CPE: variants seen among roughly 807,000 people sequenced by gnomAD.
The protein encoded by CPE is carboxypeptidase E, also known as carbocypeptidase E.
A neutral mutation model predicts 53.5 loss-of-function variants in CPE; 17 were observed. That is an observed-to-expected ratio of 0.32 (90% CI 0.22 to 0.48). The LOEUF is 0.48. CPE is among the 20% of genes least tolerant of loss of function. CPE has a pLI of 0.99. For missense variants in CPE, 524 were observed against 614.7 expected (o/e 0.85, Z 1.56); for synonymous variants, 226 against 228.8 (o/e 0.99, Z 0.11).
intron 7 of CPE, among the ~76,000 whole-genome samples, chr4:165,495,014 CCAAG>C (rs1342758986): frequency 2.1e-4 from 32 of 152,284 alleles, no homozygotes; most frequent in Admixed American, 1.9e-3. Context: ...TTTCATTTTA[CCAAG>C]TTCCCAGGTT....
intron 3 of CPE, among the ~76,000 whole-genome samples, chr4:165,468,211 C>T (rs1379020924): frequency 7.2e-5 from 11 of 152,188 alleles, no homozygotes; most frequent in Non-Finnish European, 7.3e-5. Context: ...TCCTCCCTTG[C>T]TTTACAAAAC....
chr4:165,498,345 G>A lies in CPE; in HGVS notation c.*735G>A, dbSNP rs1732743091. On this transcript the variant is annotated 3_prime_UTR_variant, in exon 9 of 9. Transcript: ENST00000402744. ...CAGTGCATGTATTTCAGTTCTCTAA[G>A]ATTTTTGGTCTGGCATTGTGGTCTT... 2 of 152,114 alleles carry A rather than the reference G, an allele frequency of 1.3e-5. No individual in the cohort carries two copies. The highest frequency in any genetic ancestry group is 2.1e-4 in the South Asian group (1 of 4,826). The allele number at this position is 152,114 out of a possible 1,614,324, so 9.4% of individuals were successfully genotyped here.
At chr4:165,407,640 G>A (rs1040946393) in intron 1 of CPE, among the ~76,000 whole-genome samples, 2 of 151,320 alleles carry the variant, frequency 1.3e-5, no homozygotes, top group Non-Finnish European at 2.9e-5. Context: ...CTCCACCTCC[G>A]AGGTTCAAGC....
At chr4:165,417,338 G>T (rs1731142221) in intron 1 of CPE, among the ~76,000 whole-genome samples, 1 of 152,144 alleles carries the variant, frequency 6.6e-6, no homozygotes, top group South Asian at 2.1e-4. Flanking sequence ...AATTGCCTTT[G>T]ACTTGGAGAC....
chr4:165,493,227 T>A lies in CPE; in HGVS notation c.1170T>A (p.Asn390Lys). Reference sequence around the variant, plus strand: ...ACCTTCAAGGTAACCCAATTGCGAATGCCACCATCTCCGTGGAAGGAATAG... The same window carrying A: ...ACCTTCAAGGTAACCCAATTGCGAAAGCCACCATCTCCGTGGAAGGAATAG... ...VRDLQGNPIA[N>K]ATISVEGIDH... The change falls in exon 7 of 9, where the codon AAT becomes AAA. Residue 390 changes from asparagine (N) to lysine (K), a missense_variant. By Grantham distance (94) the Asn-to-Lys change is moderately conservative (BLOSUM62 0). Coordinates refer to ENST00000402744, the MANE Select transcript of CPE (RefSeq NM_001873.4). The A allele has an allele frequency of 6.2e-7, 1 of 1,614,168 alleles. No homozygotes were observed. Among genetic ancestry groups the A allele is most frequent in the Non-Finnish European group, 8.5e-7 (1 of 1,179,980 alleles).
At chr4:165,471,017 G>A (rs1274074265) in intron 3 of CPE, among the ~76,000 whole-genome samples, 1 of 152,142 alleles carries the variant, frequency 6.6e-6, no homozygotes, top group Non-Finnish European at 1.5e-5. Context: ...CTCTCACTGA[G>A]GATCATCTGG....
chr4:165,382,602 G>A (rs1236928268), intron 1 of CPE, among the ~76,000 whole-genome samples: 1 of 152,076 alleles, frequency 6.6e-6, no homozygotes. Context: ...GGATTTAGTT[G>A]TCGTAACAGA....
At chr4:165,476,168 A>G (rs1732295894) in intron 3 of CPE, among the ~76,000 whole-genome samples, 1 of 152,196 alleles carries the variant, frequency 6.6e-6, no homozygotes, top group African/African-American at 2.4e-5. Context: ...GTGTATTAAA[A>G]AGCTTTAGAG....
At chr4:165,404,780 A>G (rs1184410747) in intron 1 of CPE, 11 of 776,324 alleles carry the variant, frequency 1.4e-5, no homozygotes, top group Non-Finnish European at 2.4e-5. Flanking sequence ...ACCGATTGCT[A>G]CAGTTGAAGC....
chr4:165,475,763 G>A (rs560230020), intron 3 of CPE, among the ~76,000 whole-genome samples: 1 of 152,112 alleles, frequency 6.6e-6, no homozygotes, highest in Non-Finnish European at 1.5e-5. Flanking sequence ...TGTCCAGGAG[G>A]GCCATTAGTG....
At chr4:165,427,675 T>C (rs918229288) in intron 1 of CPE, among the ~76,000 whole-genome samples, 4 of 152,210 alleles carry the variant, frequency 2.6e-5, no homozygotes, top group Non-Finnish European at 5.9e-5. Context: ...CTGTCTATGA[T>C]GGTTTATCCC....
In CPE at chr4:165,404,760, C is replaced by G. The variant is rs536917482; in HGVS notation, c.307+25232C>G. ...TCCTTAACCACAATGATGACCTTCCCCTGCTTGAGACCGATTGCTACAGTT... is the reference window on the plus strand; with the variant it reads ...TCCTTAACCACAATGATGACCTTCCGCTGCTTGAGACCGATTGCTACAGTT... On this transcript the variant is annotated intron_variant, in intron 1 of 8. Transcript: ENST00000402744. The G allele has an allele frequency of 5.0e-5, 39 of 785,702 alleles. 1 individual carries two copies. In the South Asian group the frequency reaches 5.2e-4, roughly 11 times the overall value. 48.7% of individuals were successfully genotyped at this position (785,702 alleles called of 1,614,324 possible).
chr4:165,422,271 T>C (rs1302318296), intron 1 of CPE, among the ~76,000 whole-genome samples: 1 of 148,146 alleles, frequency 6.8e-6, no homozygotes, highest in Non-Finnish European at 1.5e-5. Flanking sequence ...GCTTAGGAAA[T>C]TACTTACTCA....
At chr4:165,411,208 G>A (rs1046618565) in intron 1 of CPE, among the ~76,000 whole-genome samples, 4 of 152,078 alleles carry the variant, frequency 2.6e-5, no homozygotes, top group African/African-American at 4.8e-5. Context: ...AAAACAAAAA[G>A]ACATTGTTGG....
chr4:165,457,354 G>A (rs1030628063), intron 1 of CPE, among the ~76,000 whole-genome samples: 5 of 152,176 alleles, frequency 3.3e-5, no homozygotes, highest in Non-Finnish European at 1.5e-5. Context: ...CACTGTGTAT[G>A]GGGTATTTGT....
chr4:165,400,790 A>G (rs1355272725), intron 1 of CPE, among the ~76,000 whole-genome samples: 5 of 152,186 alleles, frequency 3.3e-5, no homozygotes, highest in Admixed American at 2.6e-4. Context: ...ACACACATTC[A>G]TTCCTGAACT....
chr4:165,392,295 AAT>A (rs1730694231), intron 1 of CPE, among the ~76,000 whole-genome samples: 1 of 146,542 alleles, frequency 6.8e-6, no homozygotes, highest in African/African-American at 2.5e-5. Context: ...ATGTATCTAT[AAT>A]ATATATAATA....
At chr4:165,491,160 T>C (rs1732597119) in intron 6 of CPE, among the ~76,000 whole-genome samples, 1 of 152,212 alleles carries the variant, frequency 6.6e-6, no homozygotes, top group Non-Finnish European at 1.5e-5. Flanking sequence ...TATTGCAATA[T>C]AAGTCTTGGA....
At chr4:165,476,983 G>A (rs1038899469) in intron 3 of CPE, among the ~76,000 whole-genome samples, 29 of 152,308 alleles carry the variant, frequency 1.9e-4, no homozygotes, top group African/African-American at 6.3e-4. Flanking sequence ...TTCTGGAAGC[G>A]GAGTCCCCAT....
Sources: gnomAD v4.1 joint callset for allele counts (sites outside exome capture counted in the v4.1 genomes callset) on GRCh38, gnomAD v4.1.1 for gene constraint, MANE v1.5 for transcripts, NCBI Gene and HGNC (gene_info 2026-07-23, HGNC 2026-07-21) for gene names.